The following CNTN1 variants were observed in gnomAD, a reference collection of about 807,000 sequenced individuals.
CNTN1 encodes contactin-1.
A neutral mutation model predicts 126.4 loss-of-function variants in CNTN1; 38 were observed. That is an observed-to-expected ratio of 0.30 (90% CI 0.23 to 0.39). The LOEUF is 0.39. CNTN1 is among the 10% of genes least tolerant of loss of function. CNTN1 has a pLI of 1.00. For synonymous variants in CNTN1, 413 were observed against 422.6 expected, an observed-to-expected ratio of 0.98 and a Z score of 0.28; for missense variants, 1,009 against 1,248.4, an observed-to-expected ratio of 0.81 and a Z score of 2.89.
intron 3 of CNTN1, among the ~76,000 whole-genome samples, chr12:40,916,331 A>G (rs1241522130): frequency 6.6e-6 from 1 of 152,116 alleles, no homozygotes; most frequent in Non-Finnish European, 1.5e-5. Context: ...TGCTCCAGTC[A>G]GAAACCCTGT....
intron 1 of CNTN1, among the ~76,000 whole-genome samples, chr12:40,844,069 A>ATTTCTTTTTTTTTTTTTTTTTTTTTT (rs1942397233): frequency 1.2e-5 from 1 of 84,684 alleles, no homozygotes; most frequent in Non-Finnish European, 2.3e-5. Flanking sequence ...TGGCACAATG[A>ATTTCTTTTTTTTTTTTTTTTTTTTTT]TTTTTTTTTT....
At chr12:41,032,390 G>A (rs199937178) in intron 23 of CNTN1, among the ~76,000 whole-genome samples, 2 of 148,112 alleles carry the variant, frequency 1.4e-5, no homozygotes, top group African/African-American at 2.5e-5. Context: ...AAAAGAAAAA[G>A]AAAAAAAAGA....
intron 17 of CNTN1, 38 bp downstream of exon 17, chr12:40,993,307 T>C (rs1319306625): frequency 6.4e-7 from 1 of 1,559,250 alleles, no homozygotes; most frequent in South Asian, 1.1e-5. Flanking sequence ...TTAAAAGATT[T>C]CTAAATACAG....
At chr12:40,812,181 CAT>C (rs969166983) in intron 1 of CNTN1, among the ~76,000 whole-genome samples, 15 of 151,908 alleles carry the variant, frequency 9.9e-5, no homozygotes, top group Non-Finnish European at 1.6e-4. Context: ...TTAATTTCCA[CAT>C]GTTTGTGAAT....
intron 1 of CNTN1, among the ~76,000 whole-genome samples, chr12:40,886,193 T>A (rs532723387): frequency 6.6e-6 from 1 of 152,228 alleles, no homozygotes; most frequent in African/African-American, 2.4e-5. Flanking sequence ...TGCTTCATTT[T>A]GAACTATATT....
At chr12:40,815,537 G>A (rs892886972) in intron 1 of CNTN1, among the ~76,000 whole-genome samples, 32 of 151,878 alleles carry the variant, frequency 2.1e-4, no homozygotes, top group African/African-American at 6.3e-4. Flanking sequence ...TATTAGTTTA[G>A]GAAGTCTTTG....
intron 1 of CNTN1, among the ~76,000 whole-genome samples, chr12:40,768,853 A>G (rs144153644): frequency 1.7e-4 from 26 of 152,310 alleles, no homozygotes; most frequent in African/African-American, 5.5e-4. Context: ...TCAAATTTTA[A>G]ATAGTAAGTT....
rs1027462769 is a variant in CNTN1 at position 41,069,983 on chromosome 12, T to A, written c.3005T>A (p.Leu1002His). ...ISGAPTLSPS[L>H]LGLLLPAFGI... ...GGTGCACCCACCCTATCCCCAAGTC[T>A]TCTCGGCTTACTGCTGCCTGCCTTT... Residue 1002 changes from leucine to histidine, a missense_variant, in exon 24 of 24, where the codon CTT (leucine) becomes CAT (histidine). Leu to His is a moderately conservative substitution (Grantham distance 99). Transcript: ENST00000551295. 3 of 1,614,050 alleles carry A rather than the reference T, an allele frequency of 1.9e-6. No homozygotes were observed. The highest frequency in any genetic ancestry group is 2.5e-6 in the Non-Finnish European group (3 of 1,179,978).
At chr12:40,943,488 A>G (rs1946329762) in intron 12 of CNTN1, 109 bp from the exon 13 acceptor site, 3 of 831,548 alleles carry the variant, frequency 3.6e-6, no homozygotes, top group Admixed American at 2.4e-5. Flanking sequence ...TGGTCGCATG[A>G]TTTATATAGA....
intron 1 of CNTN1, among the ~76,000 whole-genome samples, chr12:40,735,976 A>T (rs1227757241): frequency 6.6e-6 from 1 of 152,064 alleles, no homozygotes; most frequent in Non-Finnish European, 1.5e-5. Flanking sequence ...TGGAAGAGAC[A>T]TGTGGAATAA....
intron 23 of CNTN1, among the ~76,000 whole-genome samples, chr12:41,063,511 T>C (rs1475770459): frequency 6.6e-6 from 1 of 152,172 alleles, no homozygotes; most frequent in African/African-American, 2.4e-5. Context: ...TAGATGAGAG[T>C]AGTCTCTTTT....
chr12:40,918,830 C>T, intron 4 of CNTN1, 59 bp downstream of exon 4: 1 of 1,580,500 alleles, frequency 6.3e-7, no homozygotes, highest in Non-Finnish European at 8.7e-7. Context: ...CACAGATCAG[C>T]ATCTATGAAC....
At position 40,807,109 on chromosome 12, in the gene CNTN1, G is replaced by T. The variant is rs532972348; in HGVS notation, c.-76-101248G>T. On this transcript the variant is annotated intron_variant, in intron 1 of 23. Coordinates refer to ENST00000551295, the MANE Select transcript of CNTN1 (RefSeq NM_001843.4). ...AATCACTGATTCTATACCTGGAGAG[G>T]ACCCTAAAGGATGGATACTTACCTT... 2.0e-5 allele frequency among the ~76,000 whole-genome samples: 3 copies of T among 151,950 alleles called. 1 individual carries two copies. The highest frequency in any genetic ancestry group is 4.2e-4 in the South Asian group (2 of 4,810).
chr12:40,949,565 CTTTCTTTT>C (rs1946584660), intron 14 of CNTN1, among the ~76,000 whole-genome samples: 1 of 97,558 alleles, frequency 1.0e-5, no homozygotes, highest in African/African-American at 3.9e-5. Flanking sequence ...CTTTTCTTTT[CTTTCTTTT>C]TTTTTTTTTT....
rs116429919 is a variant in CNTN1, at chr12:40,819,872, A to G, written c.-76-88485A>G. Reference sequence around the variant, plus strand: ...AAAAGGACAGTTTACCCAGCTGGGTATCGTGCTCACTCACCACCTCTCTTG... The same window carrying G: ...AAAAGGACAGTTTACCCAGCTGGGTGTCGTGCTCACTCACCACCTCTCTTG... On this transcript the variant is annotated intron_variant, in intron 1 of 23. Coordinates refer to ENST00000551295, the MANE Select transcript of CNTN1 (RefSeq NM_001843.4). Among the ~76,000 whole-genome samples the G allele has an allele frequency of 3.6e-3, 554 of 152,270 alleles. 5 individuals are homozygous for G. The highest frequency in any genetic ancestry group is 0.013 in the African/African-American group (534 of 41,546).
intron 1 of CNTN1, among the ~76,000 whole-genome samples, chr12:40,866,100 A>G (rs1366290999): frequency 6.9e-6 from 1 of 144,586 alleles, no homozygotes; most frequent in Non-Finnish European, 1.5e-5. Context: ...TTATTTTTAA[A>G]TTGTATTTTT....
At chr12:40,713,861 G>A (rs1370110078) in intron 1 of CNTN1, among the ~76,000 whole-genome samples, 1 of 151,952 alleles carries the variant, frequency 6.6e-6, no homozygotes, top group Non-Finnish European at 1.5e-5. Context: ...TTAGTGCTTT[G>A]GTCAAATCTA....
intron 1 of CNTN1, among the ~76,000 whole-genome samples, chr12:40,741,729 A>C (rs1309450592): frequency 6.6e-6 from 1 of 152,032 alleles, no homozygotes; most frequent in African/African-American, 2.4e-5. Context: ...ATATCATTTC[A>C]CTTCAGACTT....
chr12:41,056,944 T>TAATATTTAGATATTTATAAATATTATA lies in CNTN1; in HGVS notation c.2981-12966_2981-12940dup, dbSNP rs57662591. 4.4e-5 allele frequency among the ~76,000 whole-genome samples: 4 copies of TAATATTTAGATATTTATAAATATTATA among 90,140 alleles called. 1 individual carries two copies. The highest frequency in any genetic ancestry group is 1.7e-4 in the African/African-American group (3 of 18,074). The allele number at this position is 90,140 out of a possible 152,430, so 59.1% of individuals were successfully genotyped here. On this transcript the variant is annotated intron_variant, in intron 23 of 23. Transcript: ENST00000551295. Reference sequence around the variant, plus strand: ...ATATTTAGATATTTATAAATATTTATAATATTTAGATATTTATAAATATTA... The same window carrying TAATATTTAGATATTTATAAATATTATA: ...ATATTTAGATATTTATAAATATTTATAATATTTAGATATTTATAAATATTATAAATATTTAGATATTTATAAATATTA...
Sources: allele counts gnomAD v4.1 joint callset (sites outside exome capture counted in the v4.1 genomes callset), GRCh38; gene constraint gnomAD v4.1.1; transcripts MANE v1.5; gene names NCBI Gene and HGNC (gene_info 2026-07-23, HGNC 2026-07-21).